CACNA2D3: variants seen among roughly 807,000 people sequenced by gnomAD.
The protein encoded by CACNA2D3 is calcium voltage-gated channel auxiliary subunit alpha2delta 3.
A neutral mutation model predicts 160.6 loss-of-function variants in CACNA2D3; 60 were observed. The observed-to-expected ratio is 0.37, with a 90% CI of 0.30 to 0.46. The LOEUF is 0.46. Ranked by LOEUF, CACNA2D3 falls within the 20% of genes least tolerant of loss-of-function variation. CACNA2D3 has a pLI of 1.00. For missense variants in CACNA2D3, 1,205 were observed against 1,365.0 expected (o/e 0.88, Z 1.85); for synonymous variants, 558 against 492.9 (o/e 1.13, Z -1.75).
intron 4 of CACNA2D3, among the ~76,000 whole-genome samples, chr3:54,445,150 G>A (rs1263072347): frequency 3.9e-5 from 6 of 152,250 alleles, no homozygotes; most frequent in Admixed American, 3.9e-4. Context: ...CAGGGATATA[G>A]GCAGGGGATG....
chr3:54,787,749 G>A (rs1702668947), intron 13 of CACNA2D3, among the ~76,000 whole-genome samples: 2 of 152,180 alleles, frequency 1.3e-5, no homozygotes, highest in Non-Finnish European at 2.9e-5. Flanking sequence ...ATTTAGTAAA[G>A]TTTGCTATGC....
At chr3:54,919,524 T>G (rs540519403) in intron 27 of CACNA2D3, among the ~76,000 whole-genome samples, 4 of 152,194 alleles carry the variant, frequency 2.6e-5, no homozygotes, top group Non-Finnish European at 4.4e-5. Context: ...TACTGAACTT[T>G]CCAGTGGGTT....
chr3:54,438,139 A>G (rs1308147659), intron 4 of CACNA2D3, among the ~76,000 whole-genome samples: 3 of 152,204 alleles, frequency 2.0e-5, no homozygotes, highest in Non-Finnish European at 2.9e-5. Flanking sequence ...TCACTCCTTT[A>G]TAATTACTAT....
chr3:54,458,834 C>T (rs1020558339), intron 4 of CACNA2D3, among the ~76,000 whole-genome samples: 1 of 151,870 alleles, frequency 6.6e-6, no homozygotes, highest in African/African-American at 2.4e-5. Context: ...AGGTTAGTTA[C>T]ATATGTATAC....
At position 54,451,229 on chromosome 3, in the gene CACNA2D3, C is replaced by CTTTTTTTTTTTT. The variant is rs71074970; in HGVS notation, c.382-52242_382-52231dup. Among the ~76,000 whole-genome samples, 21 of 51,752 alleles carry CTTTTTTTTTTTT rather than the reference C, an allele frequency of 4.1e-4. 5 individuals carry two copies. Among genetic ancestry groups the CTTTTTTTTTTTT allele is most frequent in the African/African-American group, 1.1e-3 (13 of 11,606 alleles). 34.0% of individuals were successfully genotyped at this position (51,752 alleles called of 152,430 possible). Reference sequence around the variant, plus strand: ...TGTCCCTTTCTGCTGATATAATAATCTTTTTTTTTTTTTTTTTTTTTTTTT... The same window carrying CTTTTTTTTTTTT: ...TGTCCCTTTCTGCTGATATAATAATCTTTTTTTTTTTTTTTTTTTTTTTTTTTTTTTTTTTTT... On this transcript the variant is annotated intron_variant, in intron 4 of 37. Coordinates refer to ENST00000474759, the MANE Select transcript of CACNA2D3 (RefSeq NM_018398.3).
At chr3:54,597,215 T>C (rs1702971284) in intron 9 of CACNA2D3, among the ~76,000 whole-genome samples, 1 of 152,164 alleles carries the variant, frequency 6.6e-6, no homozygotes, top group African/African-American at 2.4e-5. Flanking sequence ...CCTCTCTGTC[T>C]ACTAGCCAGT....
intron 5 of CACNA2D3, among the ~76,000 whole-genome samples, chr3:54,543,873 T>A (rs974728560): frequency 4.6e-5 from 7 of 152,242 alleles, no homozygotes; most frequent in African/African-American, 1.7e-4. Context: ...TTCCATGTTG[T>A]TTTTGCTAAT....
intron 10 of CACNA2D3, among the ~76,000 whole-genome samples, chr3:54,631,049 GA>G (rs763474367): frequency 2.6e-5 from 4 of 151,920 alleles, no homozygotes; most frequent in African/African-American, 9.7e-5. Flanking sequence ...TAAAAATACA[GA>G]AAAATTAGTC....
At chr3:54,158,932 A>G (rs1700292294) in intron 2 of CACNA2D3, among the ~76,000 whole-genome samples, 1 of 152,218 alleles carries the variant, frequency 6.6e-6, no homozygotes, top group African/African-American at 2.4e-5. Flanking sequence ...CGTATGACTT[A>G]CTTTGGCCAG....
At chr3:55,036,671 T>C (rs1177458897) in intron 35 of CACNA2D3, among the ~76,000 whole-genome samples, 1 of 151,834 alleles carries the variant, frequency 6.6e-6, no homozygotes, top group Non-Finnish European at 1.5e-5. Flanking sequence ...TTTCACCATA[T>C]TGGCCAGGCT....
intron 35 of CACNA2D3, among the ~76,000 whole-genome samples, chr3:55,030,345 A>G (rs889707482): frequency 1.3e-5 from 2 of 152,218 alleles, no homozygotes; most frequent in Non-Finnish European, 1.5e-5. Flanking sequence ...AAGATTTTCA[A>G]TGATATGTCA....
At position 54,570,067 on chromosome 3, in the gene CACNA2D3, A is replaced by G. The variant is rs1213760933; in HGVS notation, c.851A>G (p.Asp284Gly). 6 of 1,613,874 alleles carry G rather than the reference A, an allele frequency of 3.7e-6. No homozygotes were observed. Among genetic ancestry groups the G allele is most frequent in the Non-Finnish European group, 5.1e-6 (6 of 1,179,876 alleles). ...IAKQTVSSIL[D>G]TLGDDDFFNI... Reference sequence around the variant, plus strand: ...AAGCAAACAGTCTCATCCATTTTGGATACACTTGGGGATGATGACTTCTTC... The same window carrying G: ...AAGCAAACAGTCTCATCCATTTTGGGTACACTTGGGGATGATGACTTCTTC... The change falls in exon 8 of 38, where the codon GAT becomes GGT. Residue 284 changes from aspartate (D) to glycine (G), a missense_variant. Around this residue, in one of 3 missense-constraint regions of CACNA2D3, gnomAD observed 131 missense variants for 201.5 expected, o/e 0.65. Transcript: ENST00000474759.
chr3:54,593,004 T>TA (rs1049539647), intron 9 of CACNA2D3, among the ~76,000 whole-genome samples: 62 of 152,182 alleles, frequency 4.1e-4, no homozygotes, highest in African/African-American at 1.4e-3. Context: ...TTATGAATCA[T>TA]AAGCAGAAAG....
At chr3:54,781,936 T>G (rs1252317008) in intron 13 of CACNA2D3, among the ~76,000 whole-genome samples, 1 of 152,198 alleles carries the variant, frequency 6.6e-6, no homozygotes. Context: ...TGTTTAAAAA[T>G]CTGGCCAGGG....
intron 2 of CACNA2D3, among the ~76,000 whole-genome samples, chr3:54,256,757 C>A (rs1454921636): frequency 1.7e-4 from 18 of 106,994 alleles, no homozygotes; most frequent in South Asian, 6.4e-4. Context: ...GACTCCGTCT[C>A]AAAAAAAAAA....
chr3:54,807,843 G>A (rs1703173441), intron 13 of CACNA2D3, among the ~76,000 whole-genome samples: 1 of 150,496 alleles, frequency 6.6e-6, no homozygotes, highest in South Asian at 2.1e-4. Flanking sequence ...AAGAAAATGT[G>A]GCACATATAC....
At chr3:54,672,290 G>T (rs1700175965) in intron 11 of CACNA2D3, among the ~76,000 whole-genome samples, 1 of 152,216 alleles carries the variant, frequency 6.6e-6, no homozygotes, top group Admixed American at 6.5e-5. Flanking sequence ...TTGGGGAAGA[G>T]AATTTAGAGG....
At chr3:54,242,326 C>G (rs1323288948) in intron 2 of CACNA2D3, among the ~76,000 whole-genome samples, 3 of 151,984 alleles carry the variant, frequency 2.0e-5, no homozygotes, top group Non-Finnish European at 4.4e-5. Flanking sequence ...GTCTGTAATC[C>G]CAGCTACTCG....
intron 11 of CACNA2D3, among the ~76,000 whole-genome samples, chr3:54,695,048 G>A (rs1700639690): frequency 6.6e-6 from 1 of 151,388 alleles, no homozygotes; most frequent in Non-Finnish European, 1.5e-5. Context: ...ATGGAGTTTT[G>A]CTCTTGTCAC....
Sources: allele counts gnomAD v4.1 joint callset (sites outside exome capture counted in the v4.1 genomes callset), GRCh38; gene constraint gnomAD v4.1.1; regional missense constraint gnomAD v4.1.1; transcripts MANE v1.5; gene names NCBI Gene and HGNC (gene_info 2026-07-23, HGNC 2026-07-21).